KALRN: variants seen among roughly 807,000 people sequenced by gnomAD.
KALRN encodes kalirin.
Under a neutral mutation model 353.7 loss-of-function variants are expected in KALRN, and 70 were observed. That is an observed-to-expected ratio of 0.20 (90% confidence interval 0.16 to 0.24). The LOEUF (loss-of-function observed/expected upper bound fraction) is 0.24. KALRN is among the 10% of genes least tolerant of loss of function. KALRN has a pLI of 1.00. For synonymous variants in KALRN, 1,391 were observed against 1,434.8 expected, an observed-to-expected ratio of 0.97 and a Z score of 0.69; for missense variants, 2,791 against 3,756.7, an observed-to-expected ratio of 0.74 and a Z score of 6.72.
At chr3:124,277,647 C>T in intron 5 of KALRN, among the ~76,000 whole-genome samples, 1 of 152,190 alleles carries the variant, frequency 6.6e-6, no homozygotes, top group East Asian at 1.9e-4. Context: ...GCATTTTCAG[C>T]CCCATTTGTA....
chr3:124,534,004 C>T (rs72491151), intron 33 of KALRN, among the ~76,000 whole-genome samples: 2,165 of 152,258 alleles, frequency 0.014, 47 homozygotes, highest in East Asian at 0.1. Context: ...ATGTGGTGCT[C>T]TTCCTCACCA....
intron 10 of KALRN, among the ~76,000 whole-genome samples, chr3:124,365,786 T>G (rs2084611677): frequency 6.6e-6 from 1 of 152,226 alleles, no homozygotes; most frequent in Non-Finnish European, 1.5e-5. Flanking sequence ...CTGCTGTTAG[T>G]TCTATGCCAT....
intron 33 of KALRN, among the ~76,000 whole-genome samples, chr3:124,512,980 G>A (rs1006108628): frequency 2.0e-5 from 3 of 152,138 alleles, no homozygotes; most frequent in Non-Finnish European, 2.9e-5. Context: ...ATGAACCAAG[G>A]GTGAGGGACG....
chr3:124,384,808 C>G, intron 10 of KALRN, 37 bp from the exon 11 acceptor site: 1 of 1,540,076 alleles, frequency 6.5e-7, no homozygotes, highest in South Asian at 1.3e-5. Context: ...GAAGGCGCGA[C>G]TGCAACTTGA....
intron 58 of KALRN, among the ~76,000 whole-genome samples, chr3:124,714,866 A>C (rs1037696714): frequency 6.6e-6 from 1 of 152,154 alleles, no homozygotes; most frequent in Admixed American, 6.5e-5. Flanking sequence ...AAGTACAAAA[A>C]TTAGCTGGAC....
At position 124,269,129 on chromosome 3, in the gene KALRN, C is replaced by T. The variant is rs1400232459; in HGVS notation, c.843C>T (p.Pro281=). Residue 281 remains proline (P), a synonymous_variant, in exon 5 of 60, where the codon CCC becomes CCT. Transcript: ENST00000682506. The part of the protein sequence containing the change: ...PGSADFQSLV[P]KITSLLDKLH... The stretch of plus-strand genomic sequence containing the variant: ...GTGCTGACTTCCAGAGCCTGGTGCC[C>T]AAGATCACCAGTCTCCTGGACAAGC... 5 of 1,613,322 alleles carry T rather than the reference C, an allele frequency of 3.1e-6. No homozygotes were observed. The Admixed American group carries it at 6.7e-5, about 22-fold the overall frequency.
intron 5 of KALRN, among the ~76,000 whole-genome samples, chr3:124,275,849 G>A (rs760035464): frequency 6.6e-6 from 1 of 152,102 alleles, no homozygotes; most frequent in Non-Finnish European, 1.5e-5. Flanking sequence ...GCTATGCAGT[G>A]CCCCTGGGCA....
intron 51 of KALRN, chr3:124,679,889 A>C (rs2087593096): frequency 3.3e-6 from 1 of 298,694 alleles, no homozygotes; most frequent in Middle Eastern, 1.2e-3. Flanking sequence ...AATGACAAGG[A>C]CTCATTTCGT....
intron 10 of KALRN, among the ~76,000 whole-genome samples, chr3:124,356,393 G>A (rs1280624824): frequency 6.7e-6 from 1 of 148,560 alleles, no homozygotes; most frequent in Admixed American, 6.7e-5. Flanking sequence ...GAGTGCAATG[G>A]CGCGATTTCG....
chr3:124,234,258 G>A lies in KALRN; in HGVS notation c.149-571G>A, dbSNP rs1161812878. Among the ~76,000 whole-genome samples, 3 of 152,264 alleles carry A rather than the reference G, an allele frequency of 2.0e-5. No homozygotes were observed. The East Asian group carries it at 5.8e-4, about 29-fold the overall frequency. The stretch of plus-strand genomic sequence containing the variant: ...AGGTGGCACCTCAGGCAGACAGGCA[G>A]GGGTGGTTTTTTGGCTGTGTAAAAA... On this transcript the variant is annotated intron_variant, in intron 2 of 59. Coordinates refer to ENST00000682506, the MANE Select transcript of KALRN (RefSeq NM_001388419.1).
At chr3:124,489,861 T>C (rs1033371112) in intron 29 of KALRN, among the ~76,000 whole-genome samples, 4 of 152,360 alleles carry the variant, frequency 2.6e-5, no homozygotes, top group African/African-American at 9.6e-5. Context: ...CAGGTGATCC[T>C]TATGCACAGT....
chr3:124,079,035 C>T (rs2060404062), intron 1 of KALRN, among the ~76,000 whole-genome samples: 1 of 152,124 alleles, frequency 6.6e-6, no homozygotes. Flanking sequence ...TTGTTTGTTG[C>T]TTGCTTGTTT....
chr3:124,628,742 ATTTTTTTTTTT>A (rs58523719), intron 34 of KALRN, among the ~76,000 whole-genome samples: 2 of 100,146 alleles, frequency 2.0e-5, no homozygotes, highest in East Asian at 2.4e-4. Context: ...CACCTGGCTA[ATTTTTTTTTTT>A]TTTTTTTTTT....
rs1168163682 is a variant in KALRN at position 124,033,460 on chromosome 3, C to T, written c.-281C>T. On this transcript the variant is annotated 5_prime_UTR_variant, in exon 1 of 60. Coordinates refer to ENST00000682506, the MANE Select transcript of KALRN (RefSeq NM_001388419.1). The surrounding 1 kb of genome is among the most constrained non-coding windows in gnomAD (Gnocchi z 6.2). ...GGCAGCCCGCACCCCGGCCCCGGGC[C>T]CCGGCCCCAGCCAGACAGCAGGCGG... is the stretch of plus-strand genomic sequence containing the variant. Among the ~76,000 whole-genome samples the T allele has an allele frequency of 6.6e-6, 1 of 151,882 alleles. No homozygotes were observed. Among genetic ancestry groups the T allele is most frequent in the Non-Finnish European group, 1.5e-5 (1 of 67,910 alleles).
chr3:124,585,481 A>G (rs1439617749), intron 34 of KALRN, among the ~76,000 whole-genome samples: 1 of 152,168 alleles, frequency 6.6e-6, no homozygotes, highest in Non-Finnish European at 1.5e-5. Context: ...CTCATTAATT[A>G]ACAACTCTCT....
chr3:124,596,446 G>A (rs932791480), intron 34 of KALRN, among the ~76,000 whole-genome samples: 1 of 152,042 alleles, frequency 6.6e-6, no homozygotes, highest in Non-Finnish European at 1.5e-5. Context: ...CATCCTGGGG[G>A]ACAAGAGCAA....
chr3:124,665,551 G>A (rs1306519189), intron 45 of KALRN, among the ~76,000 whole-genome samples: 2 of 152,130 alleles, frequency 1.3e-5, no homozygotes, highest in Non-Finnish European at 1.5e-5. Flanking sequence ...CACAACCTCT[G>A]CCTCCCAGGT....
chr3:124,617,363 A>C (rs977212348), intron 34 of KALRN, among the ~76,000 whole-genome samples: 2 of 152,210 alleles, frequency 1.3e-5, no homozygotes, highest in Admixed American at 6.5e-5. Flanking sequence ...TTGTGCTGGC[A>C]ATGCAAAGAT....
intron 8 of KALRN, 40 bp downstream of exon 8, chr3:124,330,032 C>G (rs1313388661): frequency 6.2e-7 from 1 of 1,605,484 alleles, no homozygotes; most frequent in South Asian, 1.1e-5. Flanking sequence ...TTGGGCATGT[C>G]TGCATGTGGG....
Sources: allele counts gnomAD v4.1 joint callset (sites outside exome capture counted in the v4.1 genomes callset), GRCh38; gene constraint gnomAD v4.1.1; non-coding constraint Gnocchi (gnomAD v3.1); transcripts MANE v1.5; gene names NCBI Gene and HGNC (gene_info 2026-07-23, HGNC 2026-07-21).